POU2F3: variants seen among roughly 807,000 people sequenced by gnomAD.
POU2F3 encodes the protein POU domain, class 2, transcription factor 3.
Under a neutral mutation model 59.2 loss-of-function variants are expected in POU2F3, and 23 were observed. The observed-to-expected ratio is 0.39, with a 90% CI of 0.28 to 0.55. POU2F3 has a LOEUF of 0.55. Ranked by LOEUF, POU2F3 falls within the 20% of genes least tolerant of loss-of-function variation. The pLI, the probability that POU2F3 is intolerant of heterozygous loss-of-function variation, is 0.66. For missense variants in POU2F3, 473 were observed against 544.5 expected, an observed-to-expected ratio of 0.87 and a Z score of 1.31; for synonymous variants, 190 against 214.6, an observed-to-expected ratio of 0.89 and a Z score of 1.00.
chr11:120,254,228 T>C (rs555194420), intron 2 of POU2F3: 21 of 152,354 alleles, frequency 1.4e-4, no homozygotes, highest in Admixed American at 5.2e-4. Context: ...ATTAGACAAG[T>C]CTTAGGGCCT....
intron 12 of POU2F3, among the ~76,000 whole-genome samples, chr11:120,318,023 T>C (rs1040220243): frequency 6.6e-6 from 1 of 152,232 alleles, no homozygotes; most frequent in South Asian, 2.1e-4. Context: ...CCAGTTCTTA[T>C]TGGCCAATTG....
intron 2 of POU2F3, among the ~76,000 whole-genome samples, chr11:120,258,394 A>G (rs1357652841): frequency 3.9e-5 from 6 of 152,154 alleles, no homozygotes; most frequent in Non-Finnish European, 7.4e-5. Context: ...AAGTCTGGGC[A>G]TTGGAGCTCA....
chr11:120,249,688 A>C (rs1939020322), intron 2 of POU2F3: 1 of 152,194 alleles, frequency 6.6e-6, no homozygotes. Context: ...CCTCAATCAC[A>C]AGGGAGGAAA....
At chr11:120,315,488 G>T in intron 11 of POU2F3, 61 bp downstream of exon 11, 2 of 1,474,768 alleles carry the variant, frequency 1.4e-6, no homozygotes, top group Non-Finnish European at 1.9e-6. Context: ...TGGGATATTA[G>T]AACTGAAAGG....
chr11:120,293,820 A>C (rs1941110682), intron 3 of POU2F3, among the ~76,000 whole-genome samples: 3 of 152,220 alleles, frequency 2.0e-5, no homozygotes, highest in African/African-American at 7.2e-5. Flanking sequence ...CGTCTGGGCC[A>C]GAAGACCACC....
chr11:120,272,165 G>C (rs551852264), intron 3 of POU2F3, among the ~76,000 whole-genome samples: 2 of 152,282 alleles, frequency 1.3e-5, no homozygotes, highest in African/African-American at 4.8e-5. Flanking sequence ...CAATGAGGTA[G>C]GTGATACGAT....
chr11:120,293,357 G>T (rs1407246427), intron 3 of POU2F3, among the ~76,000 whole-genome samples: 2 of 152,300 alleles, frequency 1.3e-5, no homozygotes, highest in East Asian at 1.9e-4. Flanking sequence ...ATCTCTTGGG[G>T]TACTTTCAGC....
At chr11:120,272,657 G>A (rs1182665009) in intron 3 of POU2F3, among the ~76,000 whole-genome samples, 1 of 152,188 alleles carries the variant, frequency 6.6e-6, no homozygotes, top group Non-Finnish European at 1.5e-5. Context: ...GAATGCTCAT[G>A]GCTCATCGGG....
chr11:120,245,932 C>T (rs1191155503), intron 1 of POU2F3, among the ~76,000 whole-genome samples: 1 of 152,086 alleles, frequency 6.6e-6, no homozygotes, highest in African/African-American at 2.4e-5. Flanking sequence ...GACAGAGAAC[C>T]CAGGCAGGAC....
chr11:120,247,720 C>T (rs1938928452), intron 2 of POU2F3, among the ~76,000 whole-genome samples: 2 of 152,210 alleles, frequency 1.3e-5, no homozygotes, highest in South Asian at 2.1e-4. Context: ...CTGAGCAAGA[C>T]TTTAAACTCA....
chr11:120,297,059 G>A (rs115302174), intron 3 of POU2F3, among the ~76,000 whole-genome samples: 1 of 152,316 alleles, frequency 6.6e-6, no homozygotes, highest in African/African-American at 2.4e-5. Flanking sequence ...GTTTAAGCCA[G>A]CATCTCTATG....
chr11:120,284,334 A>G (rs1262327313), intron 3 of POU2F3, among the ~76,000 whole-genome samples: 1 of 152,148 alleles, frequency 6.6e-6, no homozygotes, highest in Non-Finnish European at 1.5e-5. Flanking sequence ...CTTTTCTTGC[A>G]TCCAGTGATC....
At position 120,247,030 on chromosome 11, in the gene POU2F3, C is replaced by A. The variant is rs575697173; in HGVS notation, c.97+513C>A. Among the ~76,000 whole-genome samples, 6 of 152,242 alleles carry A rather than the reference C, an allele frequency of 3.9e-5. No homozygotes were observed. In the South Asian group the frequency reaches 1.2e-3, roughly 32 times the overall value. On this transcript the variant is annotated intron_variant, in intron 2 of 12. Transcript: ENST00000543440. ...AAAGAAGGGAAAGGATGTCAGTAGTCCCAGCTAGTCAGCAGGCCAAGGTGG... is the reference window on the plus strand; with the variant it reads ...AAAGAAGGGAAAGGATGTCAGTAGTACCAGCTAGTCAGCAGGCCAAGGTGG...
chr11:120,268,484 G>A (rs1939930950), intron 2 of POU2F3, among the ~76,000 whole-genome samples: 1 of 152,102 alleles, frequency 6.6e-6, no homozygotes, highest in Non-Finnish European at 1.5e-5. Context: ...GGGACTACAG[G>A]CATGTGCCAT....
chr11:120,278,674 C>G (rs1940434587), intron 3 of POU2F3, among the ~76,000 whole-genome samples: 1 of 152,158 alleles, frequency 6.6e-6, no homozygotes, highest in Admixed American at 6.5e-5. Flanking sequence ...GCTGCGCTGA[C>G]TGAGTGATTA....
intron 3 of POU2F3, among the ~76,000 whole-genome samples, chr11:120,284,026 A>C (rs977036754): frequency 4.6e-5 from 7 of 151,998 alleles, no homozygotes; most frequent in African/African-American, 1.7e-4. Context: ...AAAAATACAA[A>C]AAATTAGTGG....
chr11:120,240,593 T>A (rs1247496361), intron 1 of POU2F3, among the ~76,000 whole-genome samples: 1 of 122,894 alleles, frequency 8.1e-6, no homozygotes, highest in Non-Finnish European at 1.7e-5. Flanking sequence ...GGGTGGGGGC[T>A]GGTGAAGGGC....
chr11:120,299,066 A>G (rs1018380761), intron 4 of POU2F3, among the ~76,000 whole-genome samples: 1 of 152,202 alleles, frequency 6.6e-6, no homozygotes, highest in African/African-American at 2.4e-5. Flanking sequence ...TATTAGTCCT[A>G]TGTCCTGGGC....
intron 3 of POU2F3, among the ~76,000 whole-genome samples, chr11:120,290,451 G>A (rs1940980493): frequency 6.6e-6 from 1 of 152,194 alleles, no homozygotes; most frequent in Admixed American, 6.5e-5. Context: ...CCTCTCAGTA[G>A]CTTCCAGAAG....
Sources: allele counts gnomAD v4.1 joint callset (sites outside exome capture counted in the v4.1 genomes callset), GRCh38; gene constraint gnomAD v4.1.1; transcripts MANE v1.5; gene names NCBI Gene and HGNC (gene_info 2026-07-23, HGNC 2026-07-21).